The following NCKAP5 variants were observed in gnomAD, a reference collection of about 807,000 sequenced individuals.
NCKAP5 encodes the protein NCK associated protein 5, also known as nck-associated protein 5.
In NCKAP5, 92 loss-of-function variants were observed where a neutral mutation model predicts 167.0. The observed-to-expected ratio is 0.55, with a 90% confidence interval of 0.47 to 0.66. The LOEUF (loss-of-function observed/expected upper bound fraction) is 0.66. NCKAP5 is among the 30% of genes least tolerant of loss of function. NCKAP5 has a pLI of 0.00. For synonymous variants in NCKAP5, 891 were observed against 877.4 expected (o/e 1.02, Z -0.27); for missense variants, 2,378 against 2,315.0 (o/e 1.03, Z -0.56).
intron 4 of NCKAP5, among the ~76,000 whole-genome samples, chr2:133,248,269 T>G (rs77401611): frequency 0.1 from 15,758 of 152,232 alleles, 929 homozygotes; most frequent in South Asian, 0.15. Context: ...TATTCCTAAA[T>G]CTACACCCCA....
At chr2:133,672,547 G>C in the NCKAP5 span, among the ~76,000 whole-genome samples, 1 of 152,166 alleles carries the variant, frequency 6.6e-6, no homozygotes, top group Non-Finnish European at 1.5e-5. Flanking sequence ...GATAGTTTGA[G>C]AAGCATTGTT....
intron 2 of NCKAP5, among the ~76,000 whole-genome samples, chr2:133,525,097 T>C (rs1023186485): frequency 1.3e-5 from 2 of 152,170 alleles, no homozygotes; most frequent in South Asian, 2.1e-4. Context: ...TTTTCAACCA[T>C]AAAAATTTTT....
At chr2:133,133,366 C>T (rs978028906) in intron 5 of NCKAP5, among the ~76,000 whole-genome samples, 8 of 152,186 alleles carry the variant, frequency 5.3e-5, no homozygotes, top group Admixed American at 1.3e-4. Context: ...TCCTCAATCA[C>T]CACCTTTCAA....
chr2:132,802,187 G>A lies in NCKAP5; in HGVS notation c.808-5458C>T, dbSNP rs76273796. 7.8e-3 allele frequency among the ~76,000 whole-genome samples: 1,188 copies of A among 152,284 alleles called. 9 individuals carry two copies. Among genetic ancestry groups the A allele is most frequent in the Non-Finnish European group, 0.013 (894 of 68,020 alleles). On this transcript the variant is annotated intron_variant, in intron 11 of 19. Coordinates refer to ENST00000409261, the MANE Select transcript of NCKAP5 (RefSeq NM_207363.3). ...GCTGCCCTGGCTGCTCCCCGTCTTG[G>A]TGAGTCCTAGTCTGCTCTAGCCCAC...
At chr2:133,349,694 C>A (rs948760322) in intron 3 of NCKAP5, among the ~76,000 whole-genome samples, 3 of 152,178 alleles carry the variant, frequency 2.0e-5, no homozygotes, top group African/African-American at 7.2e-5. Context: ...ATCCTCTTGG[C>A]AGAACCTCTT....
intron 11 of NCKAP5, among the ~76,000 whole-genome samples, chr2:132,837,809 A>T (rs889410003): frequency 4.6e-5 from 7 of 152,164 alleles, no homozygotes; most frequent in Middle Eastern, 3.4e-3. Flanking sequence ...GAATGTGGGG[A>T]GCTGACTTCC....
At chr2:133,279,422 T>G (rs551035598) in intron 4 of NCKAP5, among the ~76,000 whole-genome samples, 65 of 152,364 alleles carry the variant, frequency 4.3e-4, no homozygotes, top group African/African-American at 1.5e-3. Context: ...TTTTTAGGGC[T>G]AAACAATCAT....
chr2:133,530,128 G>T (rs1472208258), intron 2 of NCKAP5, among the ~76,000 whole-genome samples: 1 of 151,984 alleles, frequency 6.6e-6, no homozygotes, highest in Non-Finnish European at 1.5e-5. Context: ...TAAAGCATAG[G>T]TTTAACTTTA....
Position 132,721,151 on chromosome 2 carries a change from T to C in NCKAP5, c.5713+4476A>G, listed in dbSNP as rs185604965. On this transcript the variant is annotated intron_variant, in intron 19 of 19. Coordinates refer to ENST00000409261, the MANE Select transcript of NCKAP5 (RefSeq NM_207363.3). ...GGTGAAACCCCGTCTCTACTAAAAA[T>C]ACAAAAATTAGCCAGACGTGGCGGT... Among the ~76,000 whole-genome samples the C allele has an allele frequency of 1.4e-3, 220 of 151,782 alleles. 2 individuals carry two copies. The South Asian group carries it at 0.015, about 11-fold the overall frequency.
chr2:133,528,147 G>C (rs951675367), intron 2 of NCKAP5, among the ~76,000 whole-genome samples: 1 of 151,788 alleles, frequency 6.6e-6, no homozygotes, highest in African/African-American at 2.4e-5. Context: ...AGTAGAGTTA[G>C]GTTTTACACA....
chr2:133,432,719 A>G (rs1251780613), intron 3 of NCKAP5, among the ~76,000 whole-genome samples: 1 of 152,196 alleles, frequency 6.6e-6, no homozygotes, highest in Non-Finnish European at 1.5e-5. Context: ...TTGCTCATCA[A>G]TATAGTCTTA....
intron 8 of NCKAP5, among the ~76,000 whole-genome samples, chr2:132,896,521 T>C (rs1039398504): frequency 1.6e-4 from 25 of 152,170 alleles, no homozygotes; most frequent in African/African-American, 5.6e-4. Flanking sequence ...GGAACTGAAA[T>C]GTAGTTTCTT....
chr2:132,857,120 G>C (rs1379480976), intron 11 of NCKAP5, among the ~76,000 whole-genome samples: 2 of 151,972 alleles, frequency 1.3e-5, no homozygotes. Context: ...TTTTGGTAGG[G>C]CCAAGGCTGC....
chr2:132,678,030 C>G (rs564369390), intron 19 of NCKAP5, among the ~76,000 whole-genome samples: 1 of 152,102 alleles, frequency 6.6e-6, no homozygotes, highest in South Asian at 2.1e-4. Flanking sequence ...TCACAATAGT[C>G]ATGAAGTAGA....
At chr2:133,244,914 G>T (rs950721639) in intron 4 of NCKAP5, among the ~76,000 whole-genome samples, 7 of 152,234 alleles carry the variant, frequency 4.6e-5, no homozygotes, top group East Asian at 1.9e-4. Flanking sequence ...AGAGGCAAAG[G>T]TTTCTTAACA....
At chr2:132,799,740 A>C in intron 11 of NCKAP5, among the ~76,000 whole-genome samples, 1 of 152,314 alleles carries the variant, frequency 6.6e-6, no homozygotes, top group African/African-American at 2.4e-5. Context: ...TTTTAAAAAA[A>C]TAATTTAAAC....
At chr2:133,416,150 T>C (rs1238912515) in intron 3 of NCKAP5, among the ~76,000 whole-genome samples, 1 of 152,218 alleles carries the variant, frequency 6.6e-6, no homozygotes, top group Non-Finnish European at 1.5e-5. Context: ...AACAAATATC[T>C]AGAAAACACC....
At chr2:133,223,418 C>A (rs768335123) in intron 4 of NCKAP5, among the ~76,000 whole-genome samples, 8 of 152,142 alleles carry the variant, frequency 5.3e-5, no homozygotes, top group Non-Finnish European at 1.0e-4. Flanking sequence ...GAGTCACCCG[C>A]CGCAGAGGCC....
chr2:132,894,894 CAGG>C (rs1184693592), intron 8 of NCKAP5, among the ~76,000 whole-genome samples: 1 of 152,090 alleles, frequency 6.6e-6, no homozygotes, highest in African/African-American at 2.4e-5. Context: ...TCTGCGAGGA[CAGG>C]AGGACAGGGT....
Sources: gnomAD v4.1 joint callset for allele counts (sites outside exome capture counted in the v4.1 genomes callset) on GRCh38, gnomAD v4.1.1 for gene constraint, MANE v1.5 for transcripts, NCBI Gene and HGNC (gene_info 2026-07-23, HGNC 2026-07-21) for gene names.